Variants in SEC14L5 observed in about 807,000 individuals in gnomAD.
SEC14L5 encodes the protein SEC14-like protein 5.
In SEC14L5, 96 loss-of-function variants were observed where a neutral mutation model predicts 84.6. That is an observed-to-expected ratio of 1.13 (90% CI 0.96 to 1.34). The LOEUF (loss-of-function observed/expected upper bound fraction) is 1.34. Among genes scored for constraint, SEC14L5 ranks in the 40% most tolerant of loss-of-function variants. SEC14L5 has a pLI of 0.00. For missense variants in SEC14L5, 1,224 were observed against 942.5 expected, an observed-to-expected ratio of 1.30 and a Z score of -3.91; for synonymous variants, 546 against 383.4, an observed-to-expected ratio of 1.42 and a Z score of -4.95.
chr16:5,009,816 A>T (rs754354896), intron 14 of SEC14L5, among the ~76,000 whole-genome samples: 1 of 152,010 alleles, frequency 6.6e-6, no homozygotes, highest in Non-Finnish European at 1.5e-5. Context: ...ATGGACGAAG[A>T]CCTTGAGTTG....
intron 2 of SEC14L5, among the ~76,000 whole-genome samples, chr16:4,964,716 G>A (rs1011200993): frequency 3.3e-5 from 5 of 152,092 alleles, no homozygotes; most frequent in Non-Finnish European, 5.9e-5. Flanking sequence ...GATTACAGGC[G>A]TGAGCCACTG....
At chr16:4,962,867 C>G (rs551222474) in intron 2 of SEC14L5, among the ~76,000 whole-genome samples, 4 of 152,270 alleles carry the variant, frequency 2.6e-5, no homozygotes, top group Admixed American at 6.5e-5. Context: ...GTTTACAAAA[C>G]ATTATTGTCC....
chr16:4,965,972 A>G (rs1321869699), intron 2 of SEC14L5, among the ~76,000 whole-genome samples: 2 of 152,042 alleles, frequency 1.3e-5, no homozygotes, highest in Non-Finnish European at 2.9e-5. Context: ...AGCCCAGGAG[A>G]TTGAGGCTGC....
At chr16:4,970,674 G>A (rs1955264278) in intron 2 of SEC14L5, among the ~76,000 whole-genome samples, 2 of 152,224 alleles carry the variant, frequency 1.3e-5, no homozygotes, top group Non-Finnish European at 2.9e-5. Context: ...TCTGCAGTGG[G>A]TTTGTGCACA....
intron 12 of SEC14L5, among the ~76,000 whole-genome samples, chr16:5,007,015 C>G (rs1010530802): frequency 6.6e-6 from 1 of 152,104 alleles, no homozygotes; most frequent in African/African-American, 2.4e-5. Flanking sequence ...GCCCCCCAGC[C>G]TGGCTGTCAG....
At chr16:4,975,798 C>T (rs145900674) in intron 2 of SEC14L5, among the ~76,000 whole-genome samples, 182 of 152,162 alleles carry the variant, frequency 1.2e-3, no homozygotes, top group Non-Finnish European at 2.0e-3. Flanking sequence ...TAGGGAGACT[C>T]CTGAAGAGTA....
rs1228361803 is a variant in SEC14L5, at chr16:5,015,659, TAAG to T, written c.*696_*698del. The stretch of plus-strand genomic sequence containing the variant: ...CCTCGAGGAGTACTGGGGTCCCCCC[TAAG>T]AAGAAGGAGGAAGGATGCTGGGGAG... On this transcript the variant is annotated 3_prime_UTR_variant, in exon 16 of 16. Coordinates refer to ENST00000251170, the MANE Select transcript of SEC14L5 (RefSeq NM_014692.2). The T allele has an allele frequency of 2.6e-5, 4 of 152,604 alleles. No individual in the cohort carries two copies. Among genetic ancestry groups the T allele is most frequent in the African/African-American group, 9.6e-5 (4 of 41,592 alleles). The allele number at this position is 152,604 out of a possible 1,614,324, so 9.5% of individuals were successfully genotyped here.
At chr16:5,009,853 G>A (rs1161107506) in intron 14 of SEC14L5, among the ~76,000 whole-genome samples, 3 of 152,066 alleles carry the variant, frequency 2.0e-5, no homozygotes, top group Non-Finnish European at 4.4e-5. Flanking sequence ...GGGGTGAGAG[G>A]GGATGATGTT....
In SEC14L5 at chr16:5,014,588, C is replaced by T. The variant is rs1185148493; in HGVS notation, c.1980-271C>T. On this transcript the variant is annotated intron_variant, in intron 15 of 15. Transcript: ENST00000251170. ...GACTGGAGACAGGGCCGGGGACTCC[C>T]TGGGCTGTGGCGGCCTTAGGGCCAT... 3.3e-5 allele frequency among the ~76,000 whole-genome samples: 5 copies of T among 152,336 alleles called. No individual in the cohort carries two copies. The South Asian group carries it at 6.2e-4, about 19-fold the overall frequency.
At chr16:4,986,674 C>G (rs932520034) in intron 2 of SEC14L5, among the ~76,000 whole-genome samples, 3 of 152,048 alleles carry the variant, frequency 2.0e-5, no homozygotes, top group Non-Finnish European at 4.4e-5. Context: ...ATATGGGATG[C>G]CTTTCCATTT....
Position 5,011,721 on chromosome 16 carries a change from T to G in SEC14L5, c.1979+448T>G, listed in dbSNP as rs190700535. On this transcript the variant is annotated intron_variant, in intron 15 of 15. Coordinates refer to ENST00000251170, the MANE Select transcript of SEC14L5 (RefSeq NM_014692.2). The stretch of plus-strand genomic sequence containing the variant: ...CCTCCAGCACTTCCTGGTTGCTGTG[T>G]GACCTCGGGCAAATCACTTTTCCTC... 9.8e-5 allele frequency among the ~76,000 whole-genome samples: 15 copies of G among 152,326 alleles called. No homozygotes were observed. The East Asian group carries it at 1.2e-3, about 12-fold the overall frequency.
At chr16:4,963,391 G>C (rs569682335) in intron 2 of SEC14L5, among the ~76,000 whole-genome samples, 1 of 152,094 alleles carries the variant, frequency 6.6e-6, no homozygotes, top group South Asian at 2.1e-4. Context: ...TGTCATCTAG[G>C]TTGGAGTGCA....
chr16:4,970,881 G>A (rs541724427), intron 2 of SEC14L5, among the ~76,000 whole-genome samples: 3 of 152,112 alleles, frequency 2.0e-5, no homozygotes, highest in African/African-American at 4.8e-5. Flanking sequence ...AGGCCGAGGC[G>A]GGTGGATCAC....
intron 13 of SEC14L5, 134 bp from the exon 14 acceptor site, chr16:5,008,287 C>T (rs1253649965): frequency 7.6e-6 from 5 of 662,112 alleles, no homozygotes; most frequent in Non-Finnish European, 8.0e-6. Flanking sequence ...GAGGAGGGCA[C>T]TCCTGTAAGG....
chr16:4,997,125 G>T (rs1386061594), intron 8 of SEC14L5, 81 bp downstream of exon 8: 1 of 1,001,138 alleles, frequency 1.0e-6, no homozygotes, highest in Non-Finnish European at 1.4e-6. Flanking sequence ...TTGAGATGGG[G>T]TCTCACTCTG....
intron 2 of SEC14L5, among the ~76,000 whole-genome samples, chr16:4,980,933 C>G (rs935373377): frequency 1.3e-5 from 2 of 151,932 alleles, no homozygotes; most frequent in Non-Finnish European, 2.9e-5. Context: ...TCTGGAACAG[C>G]AAGTGCAAAG....
chr16:5,002,232 G>T (rs1224039567), intron 10 of SEC14L5, among the ~76,000 whole-genome samples: 1 of 151,744 alleles, frequency 6.6e-6, no homozygotes, highest in African/African-American at 2.4e-5. Flanking sequence ...AGGAGCTGCT[G>T]CTTCAGCTTT....
intron 11 of SEC14L5, among the ~76,000 whole-genome samples, chr16:5,005,082 G>A (rs1370508437): frequency 6.6e-6 from 1 of 152,048 alleles, no homozygotes; most frequent in African/African-American, 2.4e-5. Flanking sequence ...AGGCCGAGGT[G>A]GGTGGATCAC....
At chr16:4,967,780 C>G (rs1955222597) in intron 2 of SEC14L5, among the ~76,000 whole-genome samples, 1 of 150,210 alleles carries the variant, frequency 6.7e-6, no homozygotes, top group African/African-American at 2.4e-5. Flanking sequence ...ACCATGTTGG[C>G]CAGGCTGGTC....
Sources: gnomAD v4.1 joint callset for allele counts (sites outside exome capture counted in the v4.1 genomes callset) on GRCh38, gnomAD v4.1.1 for gene constraint, MANE v1.5 for transcripts, NCBI Gene and HGNC (gene_info 2026-07-23, HGNC 2026-07-21) for gene names.